Variants in VAV3 observed in about 807,000 individuals in gnomAD.
VAV3 encodes guanine nucleotide exchange factor VAV3.
VAV3 carries 94 observed loss-of-function variants against 131.2 expected under a neutral mutation model. The observed-to-expected ratio is 0.72, with a 90% CI of 0.61 to 0.85. The LOEUF (loss-of-function observed/expected upper bound fraction) is 0.85. Among genes scored for constraint, VAV3 ranks in the 40% least tolerant of loss-of-function variants. The pLI, the probability that VAV3 is intolerant of heterozygous loss-of-function variation, is 0.00. For missense variants in VAV3, 939 were observed against 1,002.7 expected (o/e 0.94, Z 0.86); for synonymous variants, 349 against 342.0 (o/e 1.02, Z -0.22).
intron 1 of VAV3, among the ~76,000 whole-genome samples, chr1:107,952,939 A>T (rs72985448): frequency 0.11 from 15,999 of 152,232 alleles, 1,508 homozygotes; most frequent in African/African-American, 0.25. Context: ...AATCAGACTA[A>T]AAAATAACAG....
chr1:107,594,045 A>G (rs1019826667), intron 25 of VAV3, among the ~76,000 whole-genome samples: 30 of 152,202 alleles, frequency 2.0e-4, no homozygotes, highest in African/African-American at 7.0e-4. Context: ...TAAATAAAAC[A>G]CTGGAATGGT....
intron 22 of VAV3, among the ~76,000 whole-genome samples, chr1:107,608,464 A>G (rs1652467477): frequency 3.9e-5 from 6 of 152,200 alleles, no homozygotes; most frequent in Admixed American, 3.9e-4. Context: ...CCTCAAATTA[A>G]ATTTCTTTCA....
chr1:107,788,619 C>T (rs1570955668), intron 2 of VAV3, among the ~76,000 whole-genome samples: 1 of 152,140 alleles, frequency 6.6e-6, no homozygotes, highest in South Asian at 2.1e-4. Context: ...TACCATCCCC[C>T]GGTCCAAATA....
intron 15 of VAV3, among the ~76,000 whole-genome samples, chr1:107,741,692 A>G (rs756136606): frequency 6.6e-6 from 1 of 152,244 alleles, no homozygotes; most frequent in African/African-American, 2.4e-5. Flanking sequence ...AATCAAGAAC[A>G]TGGACAGAGA....
In VAV3 at chr1:107,734,471, G is replaced by A. The variant is rs1031139459; in HGVS notation, c.1502+14497C>T. 5.9e-5 allele frequency among the ~76,000 whole-genome samples: 9 copies of A among 152,280 alleles called. No homozygotes were observed. The East Asian group carries it at 7.7e-4, about 13-fold the overall frequency. ...GCTGTATTCAGGAGACCCATCTCACGTGCAGAGACACACACAGGCTCAAAA... is the reference window on the plus strand; with the variant it reads ...GCTGTATTCAGGAGACCCATCTCACATGCAGAGACACACACAGGCTCAAAA... On this transcript the variant is annotated intron_variant, in intron 15 of 26. Coordinates refer to ENST00000370056, the MANE Select transcript of VAV3 (RefSeq NM_006113.5).
At chr1:107,734,228 A>T (rs1662444898) in intron 15 of VAV3, among the ~76,000 whole-genome samples, 1 of 152,228 alleles carries the variant, frequency 6.6e-6, no homozygotes, top group Non-Finnish European at 1.5e-5. Flanking sequence ...CACGGAAAGG[A>T]ACAACCGGTA....
chr1:107,699,061 T>C (rs1659924579), intron 17 of VAV3, among the ~76,000 whole-genome samples: 1 of 152,204 alleles, frequency 6.6e-6, no homozygotes, highest in Admixed American at 6.5e-5. Flanking sequence ...CATCCTCATA[T>C]TCAAAACACA....
At chr1:107,803,754 T>C (rs1666932678) in intron 2 of VAV3, among the ~76,000 whole-genome samples, 1 of 152,078 alleles carries the variant, frequency 6.6e-6, no homozygotes. Context: ...GTAAAAGTCA[T>C]TTAGGTCTAT....
At chr1:107,818,398 T>C (rs1667649095) in intron 2 of VAV3, among the ~76,000 whole-genome samples, 2 of 151,570 alleles carry the variant, frequency 1.3e-5, no homozygotes, top group Non-Finnish European at 2.9e-5. Flanking sequence ...ATGCTGATCA[T>C]GCTTTCAGTA....
chr1:107,744,177 C>A (rs770406299), intron 15 of VAV3, among the ~76,000 whole-genome samples: 36 of 152,180 alleles, frequency 2.4e-4, no homozygotes, highest in Non-Finnish European at 4.4e-4. Context: ...GAATCTCCAT[C>A]CCCCATTCTC....
chr1:107,696,507 C>T (rs1357108750), intron 17 of VAV3, among the ~76,000 whole-genome samples: 1 of 152,178 alleles, frequency 6.6e-6, no homozygotes, highest in Admixed American at 6.5e-5. Flanking sequence ...TCCTACTAGT[C>T]ATAGCTTTCT....
intron 17 of VAV3, among the ~76,000 whole-genome samples, chr1:107,690,291 G>A (rs1173296499): frequency 6.6e-6 from 1 of 152,154 alleles, no homozygotes; most frequent in Non-Finnish European, 1.5e-5. Flanking sequence ...TGTTCCATGA[G>A]GGTTCTCTGG....
At chr1:107,625,175 C>T (rs537814173) in intron 20 of VAV3, among the ~76,000 whole-genome samples, 8 of 152,154 alleles carry the variant, frequency 5.3e-5, no homozygotes, top group African/African-American at 1.9e-4. Flanking sequence ...CCCCACAGTA[C>T]TCCACTCAGT....
intron 2 of VAV3, among the ~76,000 whole-genome samples, chr1:107,867,302 T>A (rs1670035709): frequency 6.6e-6 from 1 of 152,164 alleles, no homozygotes; most frequent in South Asian, 2.1e-4. Context: ...AGGAGCAGAC[T>A]AAAAACTGGA....
At chr1:107,579,434 C>T (rs1028876872) in intron 25 of VAV3, among the ~76,000 whole-genome samples, 1 of 152,138 alleles carries the variant, frequency 6.6e-6, no homozygotes, top group African/African-American at 2.4e-5. Context: ...CCATGTTTCC[C>T]CCCTGCAAGA....
chr1:107,721,793 C>T (rs757067920), intron 15 of VAV3, among the ~76,000 whole-genome samples: 1 of 152,216 alleles, frequency 6.6e-6, no homozygotes, highest in Non-Finnish European at 1.5e-5. Context: ...CAATCTCAGC[C>T]TAGCTTTCAG....
At chr1:107,923,662 T>C (rs1238445930) in intron 1 of VAV3, among the ~76,000 whole-genome samples, 1 of 152,006 alleles carries the variant, frequency 6.6e-6, no homozygotes, top group Non-Finnish European at 1.5e-5. Flanking sequence ...GCAGGGGAAA[T>C]GCTAGATGCT....
At chr1:107,613,438 T>C (rs1652906120) in intron 21 of VAV3, among the ~76,000 whole-genome samples, 1 of 152,114 alleles carries the variant, frequency 6.6e-6, no homozygotes, top group South Asian at 2.1e-4. Context: ...TTTCTTCAGA[T>C]TTCTCCTCAA....
intron 15 of VAV3, among the ~76,000 whole-genome samples, chr1:107,747,280 C>G (rs1045810595): frequency 2.6e-5 from 4 of 152,156 alleles, no homozygotes; most frequent in African/African-American, 9.7e-5. Context: ...CCTGCCTGCT[C>G]TAGGACATGA....
Sources: allele counts gnomAD v4.1 joint callset (sites outside exome capture counted in the v4.1 genomes callset), GRCh38; gene constraint gnomAD v4.1.1; transcripts MANE v1.5; gene names NCBI Gene and HGNC (gene_info 2026-07-23, HGNC 2026-07-21).